The following GNAO1 variants were observed in gnomAD, a reference collection of about 807,000 sequenced individuals.
GNAO1 encodes the protein G protein subunit alpha o1, also known as guanine nucleotide-binding protein G(o) subunit alpha.
For synonymous variants in GNAO1, 164 were observed against 180.7 expected (o/e 0.91, Z 0.74); for missense variants, 166 against 478.7 (o/e 0.35, Z 6.10).
At chr16:56,242,926 G>A (rs1387499911) in intron 2 of GNAO1, among the ~76,000 whole-genome samples, 1 of 152,158 alleles carries the variant, frequency 6.6e-6, no homozygotes, top group Non-Finnish European at 1.5e-5. Context: ...AGCTTCATCT[G>A]TATTTACAGC....
intron 3 of GNAO1, among the ~76,000 whole-genome samples, chr16:56,295,978 T>C (rs1340891925): frequency 6.6e-6 from 1 of 152,214 alleles, no homozygotes. Flanking sequence ...TTCCAGAGCC[T>C]CTATTAGGGA....
At chr16:56,216,496 A>G (rs2036437977) in intron 2 of GNAO1, among the ~76,000 whole-genome samples, 1 of 152,216 alleles carries the variant, frequency 6.6e-6, no homozygotes, top group Non-Finnish European at 1.5e-5. Flanking sequence ...GAGATGCCCC[A>G]GCACCTGCTT....
intron 2 of GNAO1, among the ~76,000 whole-genome samples, chr16:56,258,061 G>A (rs79063087): frequency 1.3e-5 from 2 of 152,388 alleles, no homozygotes; most frequent in African/African-American, 2.4e-5. Flanking sequence ...CAAAACTACT[G>A]CAGGCCAAAC....
Position 56,319,131 on chromosome 16 carries a change from A to G in GNAO1, c.304-9500A>G, listed in dbSNP as rs143276277. ...CACTGATATTTGCTGAAAAGCTTAC[A>G]TTGCCATGAAGAGAAGGGAAGGGTT... On this transcript the variant is annotated intron_variant, in intron 3 of 8. Transcript: ENST00000262493. 5.3e-4 allele frequency among the ~76,000 whole-genome samples: 80 copies of G among 152,326 alleles called. 1 individual carries two copies. The highest frequency in any genetic ancestry group is 1.9e-3 in the African/African-American group (80 of 41,574).
intron 2 of GNAO1, among the ~76,000 whole-genome samples, chr16:56,197,889 G>A (rs978842158): frequency 3.9e-5 from 6 of 152,012 alleles, no homozygotes; most frequent in South Asian, 2.1e-4. Context: ...CTATTTTTCC[G>A]ATATGTGCTC....
At chr16:56,343,182 C>T (rs986544815) in intron 6 of GNAO1, among the ~76,000 whole-genome samples, 1 of 151,334 alleles carries the variant, frequency 6.6e-6, no homozygotes, top group Non-Finnish European at 1.5e-5. Flanking sequence ...TTTCACAAAA[C>T]GTGCTCCTTT....
intron 7 of GNAO1, chr16:56,353,317 G>A (rs1487188125): frequency 6.6e-6 from 1 of 152,252 alleles, no homozygotes; most frequent in Non-Finnish European, 1.5e-5. Flanking sequence ...GCCTGACTTG[G>A]GAGTGGCCAG....
chr16:56,263,124 C>T (rs2036918928), intron 2 of GNAO1, among the ~76,000 whole-genome samples: 1 of 152,206 alleles, frequency 6.6e-6, no homozygotes, highest in Non-Finnish European at 1.5e-5. Flanking sequence ...GAAAGGGCCA[C>T]AGACTCCGGG....
intron 6 of GNAO1, chr16:56,345,981 G>A: frequency 1.0e-6 from 1 of 985,516 alleles, no homozygotes; most frequent in Non-Finnish European, 1.2e-6. Context: ...CAGAGCACCA[G>A]GCTGGGTCCA....
chr16:56,317,969 C>T (rs1293488995), intron 3 of GNAO1, among the ~76,000 whole-genome samples: 2 of 152,274 alleles, frequency 1.3e-5, no homozygotes, highest in African/African-American at 2.4e-5. Context: ...TAAGCCCAAG[C>T]GAGGAAAGAG....
intron 4 of GNAO1, among the ~76,000 whole-genome samples, chr16:56,332,436 A>G (rs1217873198): frequency 1.3e-5 from 2 of 152,054 alleles, no homozygotes; most frequent in Non-Finnish European, 2.9e-5. Context: ...ACCCTGCATC[A>G]AATAGCAGCC....
At chr16:56,290,294 C>T (rs537844114) in intron 3 of GNAO1, among the ~76,000 whole-genome samples, 2 of 152,294 alleles carry the variant, frequency 1.3e-5, no homozygotes, top group East Asian at 3.9e-4. Context: ...GTTTGTGCCC[C>T]CTGACCCAAC....
chr16:56,218,799 GCTTGGCCAAAGGCTACTCACAGCCCATGC>G (rs2143355885), intron 2 of GNAO1, among the ~76,000 whole-genome samples: 1 of 152,042 alleles, frequency 6.6e-6, no homozygotes, highest in Non-Finnish European at 1.5e-5. Context: ...CCTGCTTTTT[GCTTGGCCAAAGGCTACTCACAGCCCATGC>G]CTCAGCATAG....
chr16:56,298,148 G>A (rs2037306273), intron 3 of GNAO1, among the ~76,000 whole-genome samples: 1 of 152,196 alleles, frequency 6.6e-6, no homozygotes, highest in African/African-American at 2.4e-5. Flanking sequence ...CTCCAGCCTG[G>A]GCAACAGGGC....
At chr16:56,332,097 C>T (rs1242550772) in intron 4 of GNAO1, among the ~76,000 whole-genome samples, 4 of 152,158 alleles carry the variant, frequency 2.6e-5, no homozygotes, top group Admixed American at 1.3e-4. Flanking sequence ...CATCTGGTGA[C>T]GACAGCAGCT....
chr16:56,205,783 A>G (rs1249196093), intron 2 of GNAO1, among the ~76,000 whole-genome samples: 2 of 152,220 alleles, frequency 1.3e-5, no homozygotes, highest in Non-Finnish European at 2.9e-5. Context: ...GTTTTAGAGA[A>G]GGAAGATGGT....
intron 2 of GNAO1, among the ~76,000 whole-genome samples, chr16:56,240,980 TC>T (rs1390385811): frequency 6.6e-6 from 1 of 152,114 alleles, no homozygotes; most frequent in Non-Finnish European, 1.5e-5. Context: ...GAGTGCTCCT[TC>T]CAGGAGGTGG....
At chr16:56,262,383 T>C (rs1263825600) in intron 2 of GNAO1, among the ~76,000 whole-genome samples, 1 of 152,194 alleles carries the variant, frequency 6.6e-6, no homozygotes, top group Non-Finnish European at 1.5e-5. Flanking sequence ...GACAATGTCT[T>C]AGGTAACCTG....
intron 2 of GNAO1, among the ~76,000 whole-genome samples, chr16:56,221,461 C>A (rs2036487039): frequency 1.3e-5 from 2 of 151,858 alleles, no homozygotes; most frequent in Non-Finnish European, 2.9e-5. Context: ...ACCAGCCTGG[C>A]CAACATGGTG....
Sources: gnomAD v4.1 joint callset for allele counts (sites outside exome capture counted in the v4.1 genomes callset) on GRCh38, gnomAD v4.1.1 for gene constraint, MANE v1.5 for transcripts, NCBI Gene and HGNC (gene_info 2026-07-23, HGNC 2026-07-21) for gene names.